LOXL2: variants seen among roughly 807,000 people sequenced by gnomAD.
LOXL2 encodes lysyl oxidase homolog 2.
A neutral mutation model predicts 93.0 loss-of-function variants in LOXL2; 70 were observed. That is an observed-to-expected ratio of 0.75 (90% CI 0.62 to 0.92). The LOEUF is 0.92. Ranked by LOEUF, LOXL2 falls within the 40% of genes least tolerant of loss-of-function variation. LOXL2 has a pLI of 0.00. For synonymous variants in LOXL2, 438 were observed against 413.2 expected (o/e 1.06, Z -0.73); for missense variants, 973 against 1,054.9 (o/e 0.92, Z 1.08).
intron 1 of LOXL2, among the ~76,000 whole-genome samples, chr8:23,388,502 T>C (rs1804796104): frequency 6.6e-6 from 1 of 152,066 alleles, no homozygotes; most frequent in Admixed American, 6.6e-5. Context: ...GAGGATCACT[T>C]GAGCCCAGGA....
At chr8:23,394,282 A>C (rs1174332447) in intron 1 of LOXL2, among the ~76,000 whole-genome samples, 4 of 151,578 alleles carry the variant, frequency 2.6e-5, no homozygotes, top group Admixed American at 2.6e-4. Flanking sequence ...AGTCCCAGCT[A>C]CTCGGGAGGC....
In LOXL2 at chr8:23,319,913, C is replaced by A; in HGVS notation, c.1442G>T (p.Gly481Val). The change falls in exon 8 of 14, where the codon GGC becomes GTC. Residue 481 changes from glycine (G) to valine (V), a missense_variant. Coordinates refer to ENST00000389131, the MANE Select transcript of LOXL2 (RefSeq NM_002318.3). Reference protein sequence around the residue: ...VEAMVVCRQLGLGFASNAFQE... With the variant: ...VEAMVVCRQLVLGFASNAFQE... ...GAAGGCGTTGCTGGCGAATCCCAGG[C>A]CCAGCTGGCGGCAGACCACCATGGC... 1 of 1,613,832 alleles carries A rather than the reference C, an allele frequency of 6.2e-7. No homozygotes were observed. Among genetic ancestry groups the A allele is most frequent in the Non-Finnish European group, 8.5e-7 (1 of 1,179,918 alleles).
intron 4 of LOXL2, among the ~76,000 whole-genome samples, chr8:23,339,795 A>G (rs1803851287): frequency 6.6e-6 from 1 of 152,204 alleles, no homozygotes; most frequent in African/African-American, 2.4e-5. Flanking sequence ...TGGAATCACC[A>G]TCATGGCCAG....
chr8:23,317,181 A>T, intron 8 of LOXL2, 67 bp from the exon 9 acceptor site: 1 of 1,518,174 alleles, frequency 6.6e-7, no homozygotes, highest in Non-Finnish European at 9.1e-7. Flanking sequence ...ATATCCTATC[A>T]ACTTGCAGCC....
chr8:23,345,131 G>A (rs778014318), intron 3 of LOXL2, among the ~76,000 whole-genome samples: 8 of 152,332 alleles, frequency 5.3e-5, no homozygotes, highest in Middle Eastern at 3.4e-3. Context: ...CTGTTTAGAG[G>A]TAAAAACATG....
intron 11 of LOXL2, among the ~76,000 whole-genome samples, 159 bp from the exon 12 acceptor site, chr8:23,302,322 C>A (rs568223381): frequency 6.6e-5 from 10 of 152,114 alleles, no homozygotes; most frequent in Non-Finnish European, 1.2e-4. Context: ...TAGAACCCCC[C>A]ACTCAATTCC....
intron 8 of LOXL2, among the ~76,000 whole-genome samples, chr8:23,317,744 A>G (rs1563188442): frequency 6.6e-6 from 1 of 152,178 alleles, no homozygotes; most frequent in Non-Finnish European, 1.5e-5. Flanking sequence ...CCTTCGAAAT[A>G]CTGTTAGGAT....
At chr8:23,378,737 A>T (rs1250312518) in intron 1 of LOXL2, among the ~76,000 whole-genome samples, 1 of 152,154 alleles carries the variant, frequency 6.6e-6, no homozygotes, top group Non-Finnish European at 1.5e-5. Flanking sequence ...CGAAACGGCT[A>T]CTGAAGCTTG....
intron 4 of LOXL2, among the ~76,000 whole-genome samples, chr8:23,334,566 C>A (rs913569405): frequency 6.6e-6 from 1 of 152,158 alleles, no homozygotes; most frequent in Admixed American, 6.5e-5. Context: ...TGAGGTTGAG[C>A]TTGTCTCTGT....
At chr8:23,388,232 G>A (rs1170427377) in intron 1 of LOXL2, among the ~76,000 whole-genome samples, 1 of 152,116 alleles carries the variant, frequency 6.6e-6, no homozygotes, top group African/African-American at 2.4e-5. Context: ...GGAACTGTGA[G>A]CTGCCAAGGC....
intron 3 of LOXL2, among the ~76,000 whole-genome samples, chr8:23,356,519 G>A (rs1451673744): frequency 3.9e-5 from 6 of 152,168 alleles, no homozygotes; most frequent in Non-Finnish European, 7.3e-5. Flanking sequence ...TAGCCACAAA[G>A]CCCTGGATGC....
intron 5 of LOXL2, chr8:23,328,797 C>A: frequency 2.0e-6 from 1 of 508,376 alleles, no homozygotes; most frequent in African/African-American, 2.0e-5. Flanking sequence ...AGCTCTGGTG[C>A]AAGCTCCCTT....
At chr8:23,386,012 C>G (rs748060311) in intron 1 of LOXL2, 5 of 765,232 alleles carry the variant, frequency 6.5e-6, no homozygotes, top group Non-Finnish European at 9.6e-6. Context: ...TTGGACAACC[C>G]CCTGAGCAAG....
intron 5 of LOXL2, 79 bp downstream of exon 5, chr8:23,333,322 G>A (rs2117172745): frequency 7.5e-7 from 1 of 1,332,752 alleles, no homozygotes; most frequent in East Asian, 2.3e-5. Context: ...TCACTCTCCT[G>A]GGGGATCCTG....
chr8:23,342,420 C>A (rs1192858567), intron 3 of LOXL2, among the ~76,000 whole-genome samples: 1 of 151,356 alleles, frequency 6.6e-6, no homozygotes, highest in Non-Finnish European at 1.5e-5. Context: ...CAAAGAGCCT[C>A]TTTTTTCTTT....
chr8:23,376,637 G>A (rs1328217078), intron 1 of LOXL2, among the ~76,000 whole-genome samples: 1 of 152,070 alleles, frequency 6.6e-6, no homozygotes, highest in Non-Finnish European at 1.5e-5. Context: ...GGTCTATTCA[G>A]GGATTCAACT....
At chr8:23,321,332 G>A (rs572415349) in intron 7 of LOXL2, among the ~76,000 whole-genome samples, 8 of 152,204 alleles carry the variant, frequency 5.3e-5, no homozygotes, top group African/African-American at 1.7e-4. Context: ...GGGTTTGACT[G>A]TTCTGGAAGG....
At chr8:23,342,587 A>G (rs1479013877) in intron 3 of LOXL2, among the ~76,000 whole-genome samples, 5 of 151,690 alleles carry the variant, frequency 3.3e-5, no homozygotes, top group Non-Finnish European at 5.9e-5. Flanking sequence ...GCACGCCACC[A>G]CACCCGGCCA....
intron 3 of LOXL2, among the ~76,000 whole-genome samples, chr8:23,350,472 A>G (rs1804074201): frequency 6.6e-6 from 1 of 152,166 alleles, no homozygotes; most frequent in Non-Finnish European, 1.5e-5. Flanking sequence ...CAGGAGGCTG[A>G]GGCAGGAGAA....
Sources: gnomAD v4.1 joint callset for allele counts (sites outside exome capture counted in the v4.1 genomes callset) on GRCh38, gnomAD v4.1.1 for gene constraint, MANE v1.5 for transcripts, NCBI Gene and HGNC (gene_info 2026-07-23, HGNC 2026-07-21) for gene names.